UGT2B7: variants seen among roughly 807,000 people sequenced by gnomAD.
UGT2B7 encodes UDP glucuronosyltransferase family 2 member B7, also known as UDP-glucuronosyltransferase 2B7.
UGT2B7 carries 51 observed loss-of-function variants against 51.9 expected under a neutral mutation model. The observed-to-expected ratio is 0.98, with a 90% CI of 0.78 to 1.24. UGT2B7 has a LOEUF of 1.24. Among genes scored for constraint, UGT2B7 ranks in the 50% most tolerant of loss-of-function variants. UGT2B7 has a pLI of 0.00. For missense variants in UGT2B7, 727 were observed against 628.4 expected, an observed-to-expected ratio of 1.16 and a Z score of -1.68; for synonymous variants, 225 against 211.6, an observed-to-expected ratio of 1.06 and a Z score of -0.55.
chr4:69,064,115 A>C (rs1718434815), intron 1 of UGT2B7, among the ~76,000 whole-genome samples: 1 of 148,322 alleles, frequency 6.7e-6, no homozygotes, highest in Non-Finnish European at 1.5e-5. Flanking sequence ...AGAAAGAAAA[A>C]GAAAGAAAGA....
At chr4:69,052,026 C>T (rs1456135731) in intron 1 of UGT2B7, among the ~76,000 whole-genome samples, 1 of 151,956 alleles carries the variant, frequency 6.6e-6, no homozygotes, top group Non-Finnish European at 1.5e-5. Context: ...TAAGCCCACC[C>T]CACTGAGAAC....
At chr4:69,098,871 G>C (rs1168328699) in intron 2 of UGT2B7, among the ~76,000 whole-genome samples, 183 bp downstream of exon 2, 1 of 151,932 alleles carries the variant, frequency 6.6e-6, no homozygotes, top group Admixed American at 6.6e-5. Flanking sequence ...TGAGTTTTAT[G>C]AGTATTACAA....
At chr4:69,099,257 CAAAAA>C (rs58121670) in intron 2 of UGT2B7, among the ~76,000 whole-genome samples, 43,167 of 105,808 alleles carry the variant, frequency 0.41, 5,662 homozygotes, top group East Asian at 0.6. Flanking sequence ...GAGAGACAGA[CAAAAA>C]AAAAAAAAAA....
intron 1 of UGT2B7, among the ~76,000 whole-genome samples, chr4:69,075,441 T>C (rs753505671): frequency 7.9e-5 from 12 of 152,096 alleles, no homozygotes; most frequent in Non-Finnish European, 1.3e-4. Flanking sequence ...CTCTACACAC[T>C]TTGGAGCCCA....
At chr4:69,081,539 G>A (rs1718837927) in intron 1 of UGT2B7, among the ~76,000 whole-genome samples, 1 of 152,024 alleles carries the variant, frequency 6.6e-6, no homozygotes, top group Non-Finnish European at 1.5e-5. Context: ...AGCTACACAA[G>A]ACCTCCAATT....
intron 1 of UGT2B7, among the ~76,000 whole-genome samples, chr4:69,053,442 C>T (rs952475589): frequency 4.6e-5 from 7 of 152,304 alleles, no homozygotes; most frequent in Middle Eastern, 3.4e-3. Context: ...TCCATCTGCA[C>T]GTTAAACAAA....
chr4:69,057,162 A>G (rs1418360605), intron 1 of UGT2B7, among the ~76,000 whole-genome samples: 4 of 152,312 alleles, frequency 2.6e-5, no homozygotes, highest in South Asian at 2.1e-4. Context: ...GCTCAAATCA[A>G]TCATGAACTT....
intron 1 of UGT2B7, among the ~76,000 whole-genome samples, chr4:69,072,879 T>C (rs1310784147): frequency 6.6e-6 from 1 of 152,166 alleles, no homozygotes; most frequent in African/African-American, 2.4e-5. Context: ...TCATTTGTTA[T>C]CATTATAAAA....
In UGT2B7 at chr4:69,064,094, A is replaced by AAGAG. The variant is rs112391559; in HGVS notation, c.-159+12494_-159+12497dup. Reference sequence around the variant, plus strand: ...AAAGAAAGAAAGAAAGAAAGAAAGAAAGAGAAAGAAAGAAAGAAAAAGAAA... The same window carrying AAGAG: ...AAAGAAAGAAAGAAAGAAAGAAAGAAAGAGAGAGAAAGAAAGAAAGAAAAAGAAA... On this transcript the variant is annotated intron_variant, in intron 1 of 5. Transcript: ENST00000502942. Among the ~76,000 whole-genome samples, 266 of 84,442 alleles carry AAGAG rather than the reference A, an allele frequency of 3.2e-3. 4 individuals are homozygous for AAGAG. The highest frequency in any genetic ancestry group is 6.0e-3 in the Middle Eastern group (1 of 168). 55.4% of individuals were successfully genotyped at this position (84,442 alleles called of 152,430 possible). A position where few individuals can be genotyped will look rare whatever the true frequency, so the allele number is the denominator to read the frequency against.
chr4:69,073,363 T>A (rs1192824095), intron 1 of UGT2B7, among the ~76,000 whole-genome samples: 1 of 152,194 alleles, frequency 6.6e-6, no homozygotes, highest in Non-Finnish European at 1.5e-5. Flanking sequence ...CCAGTGAGAA[T>A]TTTGTTCATG....
chr4:69,092,526 T>C (rs1260049241), upstream of UGT2B7, among the ~76,000 whole-genome samples: 1 of 132,222 alleles, frequency 7.6e-6, no homozygotes, highest in Non-Finnish European at 1.6e-5. Context: ...TAGCTCCACC[T>C]TCCTATGTAC....
intron 2 of UGT2B7, among the ~76,000 whole-genome samples, chr4:69,100,784 C>T (rs1449550735): frequency 2.6e-5 from 4 of 152,004 alleles, no homozygotes; most frequent in African/African-American, 7.2e-5. Flanking sequence ...TTGTGAAACC[C>T]GTTCTTCGTT....
rs117147888 is a variant in UGT2B7 at position 69,084,463 on chromosome 4, A to G, written c.-158-5009A>G. On this transcript the variant is annotated intron_variant, in intron 1 of 5. Transcript: ENST00000502942. The stretch of plus-strand genomic sequence containing the variant: ...TGGGAAAAAATGGATTAATTTTTTA[A>G]TTATACTTTAAGTTCTTGGATACAT... 2.2e-4 allele frequency among the ~76,000 whole-genome samples: 33 copies of G among 152,160 alleles called. No homozygotes were observed. In the East Asian group the frequency reaches 6.0e-3, roughly 28 times the overall value.
chr4:69,098,515 C>CT (rs1719316759), intron 1 of UGT2B7, 25 bp from the exon 2 acceptor site: 22 of 1,521,034 alleles, frequency 1.4e-5, no homozygotes, highest in African/African-American at 2.2e-5. Flanking sequence ...GTGTCATCCA[C>CT]CTTTTTTTTT....
intron 1 of UGT2B7, among the ~76,000 whole-genome samples, chr4:69,056,019 T>C (rs1405900097): frequency 2.0e-5 from 3 of 152,080 alleles, no homozygotes; most frequent in African/African-American, 7.2e-5. Context: ...CACCAGGTTA[T>C]ACTAGATATG....
At chr4:69,081,064 A>G (rs1718826763) in intron 1 of UGT2B7, among the ~76,000 whole-genome samples, 2 of 152,186 alleles carry the variant, frequency 1.3e-5, no homozygotes, top group Admixed American at 1.3e-4. Context: ...AGTTATAATT[A>G]TTTACATAGA....
intron 1 of UGT2B7, among the ~76,000 whole-genome samples, chr4:69,074,449 T>TA (rs1560502387): frequency 1.4e-5 from 2 of 146,456 alleles, no homozygotes; most frequent in Admixed American, 6.8e-5. Context: ...TATATATAAA[T>TA]TAAAAATCAA....
chr4:69,109,478 T>C (rs1719712453), intron 5 of UGT2B7, among the ~76,000 whole-genome samples: 1 of 152,156 alleles, frequency 6.6e-6, no homozygotes, highest in South Asian at 2.1e-4. Context: ...GCATTTTCAT[T>C]ACGGCTAAAG....
intron 1 of UGT2B7, among the ~76,000 whole-genome samples, chr4:69,073,538 A>G (rs541495122): frequency 3.9e-5 from 6 of 152,172 alleles, no homozygotes; most frequent in Non-Finnish European, 8.8e-5. Flanking sequence ...GGTCAGATAA[A>G]CAAGTAAAAA....
Sources: allele counts gnomAD v4.1 joint callset (sites outside exome capture counted in the v4.1 genomes callset), GRCh38; gene constraint gnomAD v4.1.1; transcripts MANE v1.5; gene names NCBI Gene and HGNC (gene_info 2026-07-23, HGNC 2026-07-21).